The following NEBL variants were observed in gnomAD, a reference collection of about 807,000 sequenced individuals.
The protein encoded by NEBL is LIM and SH3 protein 2.
In NEBL, 122 loss-of-function variants were observed where a neutral mutation model predicts 140.2. That is an observed-to-expected ratio of 0.87 (90% confidence interval 0.75 to 1.01). The LOEUF (loss-of-function observed/expected upper bound fraction) is 1.01, where lower values mean the gene tolerates loss of function less well. Among genes scored for constraint, NEBL ranks in the 50% least tolerant of loss-of-function variants. NEBL has a pLI of 0.00. For missense variants in NEBL, 1,365 were observed against 1,231.3 expected, an observed-to-expected ratio of 1.11 and a Z score of -1.62; for synonymous variants, 436 against 398.9, an observed-to-expected ratio of 1.09 and a Z score of -1.11.
intron 2 of NEBL, among the ~76,000 whole-genome samples, chr10:21,069,781 A>T (rs951902455): frequency 1.3e-5 from 2 of 152,234 alleles, no homozygotes; most frequent in Non-Finnish European, 2.9e-5. Flanking sequence ...GCACAGAGAC[A>T]AACATGTACA....
At chr10:21,041,546 G>T (rs1834267347) in intron 2 of NEBL, among the ~76,000 whole-genome samples, 2 of 152,216 alleles carry the variant, frequency 1.3e-5, no homozygotes, top group South Asian at 4.1e-4. Context: ...CAGAAAGAAG[G>T]TTATACTAAC....
Position 20,785,220 on chromosome 10 carries a change from C to T in NEBL, c.*527G>A, listed in dbSNP as rs1835308919. 1 of 164,640 alleles carries T rather than the reference C, an allele frequency of 6.1e-6. No homozygotes were observed. The highest frequency in any genetic ancestry group is 2.4e-5 in the African/African-American group (1 of 41,506). The allele number at this position is 164,640 out of a possible 1,614,324, so 10.2% of individuals were successfully genotyped here. On this transcript the variant is annotated 3_prime_UTR_variant, in exon 28 of 28. Coordinates refer to ENST00000377122, the MANE Select transcript of NEBL (RefSeq NM_006393.3). ...AGAAGTTTCTAGATCCCTAAGGCCA[C>T]CAGTCAATATAATTTTAACCAGACT... is the stretch of plus-strand genomic sequence containing the variant.
At chr10:20,850,856 G>C (rs1317418140) in intron 10 of NEBL, among the ~76,000 whole-genome samples, 1 of 152,220 alleles carries the variant, frequency 6.6e-6, no homozygotes, top group Non-Finnish European at 1.5e-5. Flanking sequence ...GTGAGAAAGA[G>C]AGAGATCCTT....
intron 2 of NEBL, 148 bp from the exon 3 acceptor site, chr10:20,890,097 A>G (rs1258838013): frequency 1.6e-6 from 1 of 612,454 alleles, no homozygotes; most frequent in African/African-American, 1.9e-5. Flanking sequence ...AGTTAAATAA[A>G]CGGCTATCCA....
intron 2 of NEBL, among the ~76,000 whole-genome samples, chr10:21,084,030 T>C (rs1011072276): frequency 2.0e-5 from 3 of 152,174 alleles, no homozygotes; most frequent in Non-Finnish European, 4.4e-5. Flanking sequence ...AACCCTAGTA[T>C]AAATAACCTG....
At position 21,053,710 on chromosome 10, in the gene NEBL, C is replaced by T. The variant is rs79688104; in HGVS notation, c.165-33509G>A. ...TGAGCTAAACCAACATGAAGGGTCG[C>T]GTGTGAGTGTGATAAAGTGGGATTT... is the stretch of plus-strand genomic sequence containing the variant. On this transcript the variant is annotated intron_variant, in intron 2 of 6. Transcript: ENST00000417816. Among the ~76,000 whole-genome samples, 1,433 of 152,124 alleles carry T rather than the reference C, an allele frequency of 9.4e-3. 46 individuals are homozygous for T. In the East Asian group the frequency reaches 0.097, roughly 10 times the overall value.
chr10:21,200,060 A>C (rs1841708579), intron 3 of NEBL, among the ~76,000 whole-genome samples: 1 of 151,986 alleles, frequency 6.6e-6, no homozygotes, highest in Non-Finnish European at 1.5e-5. Context: ...CTAGCTCCAG[A>C]ACACCCCATG....
At chr10:20,965,380 A>G (rs1224992748) in intron 3 of NEBL, among the ~76,000 whole-genome samples, 1 of 152,236 alleles carries the variant, frequency 6.6e-6, no homozygotes, top group African/African-American at 2.4e-5. Context: ...GGAAGTCCCC[A>G]GTAAGAAGGT....
intron 3 of NEBL, among the ~76,000 whole-genome samples, chr10:21,201,884 A>G (rs1380205997): frequency 6.6e-6 from 1 of 152,204 alleles, no homozygotes; most frequent in African/African-American, 2.4e-5. Context: ...TTAGGAATCA[A>G]ATTTGGGAAA....
At chr10:21,042,685 C>T (rs774649950) in intron 2 of NEBL, among the ~76,000 whole-genome samples, 1 of 152,124 alleles carries the variant, frequency 6.6e-6, no homozygotes, top group Non-Finnish European at 1.5e-5. Flanking sequence ...CACAGAAAAT[C>T]GCAAACACTG....
intron 1 of NEBL, among the ~76,000 whole-genome samples, chr10:21,264,099 T>C (rs994614355): frequency 1.6e-4 from 25 of 152,206 alleles, no homozygotes; most frequent in African/African-American, 5.8e-4. Context: ...ATTCCTCTTT[T>C]CCAGATCTAA....
intron 3 of NEBL, among the ~76,000 whole-genome samples, chr10:20,982,219 G>GT (rs148557663): frequency 0.038 from 5,835 of 152,224 alleles, 351 homozygotes; most frequent in African/African-American, 0.13. Context: ...AGAAAATTCG[G>GT]AAACATCGTC....
chr10:21,083,825 ACAAATGTG>A (rs1470157170), intron 2 of NEBL, among the ~76,000 whole-genome samples: 3 of 152,148 alleles, frequency 2.0e-5, no homozygotes, highest in African/African-American at 7.2e-5. Flanking sequence ...AGCCTAGGTG[ACAAATGTG>A]CAAATGTGCA....
chr10:21,196,221 C>G (rs948873082), intron 3 of NEBL, among the ~76,000 whole-genome samples: 7 of 152,062 alleles, frequency 4.6e-5, no homozygotes, highest in African/African-American at 1.7e-4. Flanking sequence ...TCAGGCTGGT[C>G]TCGAACTCCT....
chr10:20,963,046 AC>A (rs1836130952), intron 3 of NEBL, among the ~76,000 whole-genome samples: 1 of 147,704 alleles, frequency 6.8e-6, no homozygotes, highest in African/African-American at 2.5e-5. Context: ...ACACACACAC[AC>A]GGAAATCTAG....
chr10:21,202,461 CTTTTTTTTTTT>C (rs35623208), intron 3 of NEBL, among the ~76,000 whole-genome samples: 2 of 117,294 alleles, frequency 1.7e-5, no homozygotes, highest in East Asian at 2.3e-4. Context: ...TTTTCTTTTT[CTTTTTTTTTTT>C]TTTTTTTTTG....
chr10:21,015,109 A>T (rs1838501671), intron 3 of NEBL, among the ~76,000 whole-genome samples: 1 of 152,228 alleles, frequency 6.6e-6, no homozygotes, highest in African/African-American at 2.4e-5. Flanking sequence ...AGCTAAGCCA[A>T]GCACATAAAC....
intron 1 of NEBL, among the ~76,000 whole-genome samples, chr10:21,258,143 C>G (rs1362662281): frequency 6.6e-6 from 1 of 152,036 alleles, no homozygotes; most frequent in African/African-American, 2.4e-5. Context: ...CTGCTATAAG[C>G]TGAGCACAGT....
intron 3 of NEBL, among the ~76,000 whole-genome samples, chr10:21,191,750 A>G (rs1471118514): frequency 6.6e-6 from 1 of 152,140 alleles, no homozygotes; most frequent in East Asian, 1.9e-4. Flanking sequence ...ATGGTGAGTC[A>G]CTCTTATCAA....
Sources: gnomAD v4.1 joint callset for allele counts (sites outside exome capture counted in the v4.1 genomes callset) on GRCh38, gnomAD v4.1.1 for gene constraint, MANE v1.5 for transcripts, NCBI Gene and HGNC (gene_info 2026-07-23, HGNC 2026-07-21) for gene names.